RBMS1: variants seen among roughly 807,000 people sequenced by gnomAD.
RBMS1 encodes the protein RNA binding motif single stranded interacting protein 1.
In RBMS1, 17 loss-of-function variants were observed where a neutral mutation model predicts 62.3. The observed-to-expected ratio is 0.27, with a 90% CI of 0.19 to 0.41. RBMS1 has a LOEUF of 0.41. Among genes scored for constraint, RBMS1 ranks in the 10% least tolerant of loss-of-function variants. The probability of loss-of-function intolerance (pLI) is 1.00; values close to 1 mark genes in which losing one functional copy is unlikely to be tolerated. For synonymous variants in RBMS1, 172 were observed against 170.0 expected, an observed-to-expected ratio of 1.01 and a Z score of -0.09; for missense variants, 334 against 504.5, an observed-to-expected ratio of 0.66 and a Z score of 3.24.
At chr2:160,282,187 T>G (rs1688134942) in intron 9 of RBMS1, 7 of 1,289,842 alleles carry the variant, frequency 5.4e-6, no homozygotes, top group South Asian at 1.2e-5. Context: ...TATCCCCTAT[T>G]GTTAACTTCA....
At chr2:160,303,970 GTTCACACTACT>G (rs1270009699) in intron 4 of RBMS1, among the ~76,000 whole-genome samples, 1 of 152,062 alleles carries the variant, frequency 6.6e-6, no homozygotes, top group East Asian at 1.9e-4. Flanking sequence ...CTATGGCAAA[GTTCACACTACT>G]TTTGAGTCAT....
At chr2:160,380,108 A>G (rs189525249) in intron 1 of RBMS1, among the ~76,000 whole-genome samples, 1 of 152,364 alleles carries the variant, frequency 6.6e-6, no homozygotes, top group East Asian at 1.9e-4. Flanking sequence ...ACCCAAAATG[A>G]GTTTTGTAAA....
intron 9 of RBMS1, chr2:160,283,236 T>C (rs187863483): frequency 6.6e-6 from 1 of 152,344 alleles, no homozygotes; most frequent in Admixed American, 6.5e-5. Context: ...GCCCCTATTT[T>C]CAGTGACATA....
At chr2:160,447,305 A>G (rs1014385656) in intron 1 of RBMS1, among the ~76,000 whole-genome samples, 1 of 152,182 alleles carries the variant, frequency 6.6e-6, no homozygotes, top group African/African-American at 2.4e-5. Flanking sequence ...GATGTAGTAT[A>G]TGTTCCTTCT....
intron 1 of RBMS1, among the ~76,000 whole-genome samples, chr2:160,415,533 G>A (rs1249661978): frequency 4.6e-5 from 7 of 152,084 alleles, no homozygotes; most frequent in African/African-American, 7.2e-5. Flanking sequence ...TCTTTATATC[G>A]TGGGAAACAA....
intron 13 of RBMS1, among the ~76,000 whole-genome samples, chr2:160,275,040 C>T (rs1280592019): frequency 1.3e-5 from 2 of 152,090 alleles, no homozygotes; most frequent in South Asian, 2.1e-4. Context: ...CATGTTATCA[C>T]CAGGGCAATC....
Position 160,379,430 on chromosome 2 carries a change from G to A in RBMS1, c.76-12039C>T, listed in dbSNP as rs537094776. ...CTGAGACTTTCCTCTGTTTTATGGA[G>A]TCAGCCCATGCACTATTGTCTAATC... On this transcript the variant is annotated intron_variant, in intron 1 of 13. Transcript: ENST00000348849. Among the ~76,000 whole-genome samples, 21 of 152,254 alleles carry A rather than the reference G, an allele frequency of 1.4e-4. No individual in the cohort carries two copies. The South Asian group carries it at 4.4e-3, about 32-fold the overall frequency.
Position 160,329,430 on chromosome 2 carries a change from C to T in RBMS1, c.252-11203G>A, listed in dbSNP as rs368250155. The stretch of plus-strand genomic sequence containing the variant: ...TGATGGAAAAGGATACATAGCCCCC[C>T]GTATTGATTTCTTACTGGTTTGTCT... On this transcript the variant is annotated intron_variant, in intron 2 of 13. Transcript: ENST00000348849. Among the ~76,000 whole-genome samples the T allele has an allele frequency of 3.3e-5, 5 of 152,056 alleles. No individual in the cohort carries two copies. In the East Asian group the frequency reaches 5.8e-4, roughly 18 times the overall value.
At chr2:160,363,434 G>C (rs1006929151) in intron 2 of RBMS1, among the ~76,000 whole-genome samples, 1 of 152,144 alleles carries the variant, frequency 6.6e-6, no homozygotes, top group African/African-American at 2.4e-5. Context: ...GGCAAACAGC[G>C]TTTGGACCTG....
intron 1 of RBMS1, among the ~76,000 whole-genome samples, chr2:160,438,685 C>A (rs1439502446): frequency 6.6e-6 from 1 of 152,202 alleles, no homozygotes; most frequent in East Asian, 1.9e-4. Context: ...GGCAACCATC[C>A]GATTTCTCAG....
At chr2:160,390,527 T>C (rs577561424) in intron 1 of RBMS1, among the ~76,000 whole-genome samples, 7 of 152,056 alleles carry the variant, frequency 4.6e-5, no homozygotes, top group Middle Eastern at 3.4e-3. Flanking sequence ...CTTGTCACTA[T>C]GAAAAAAATT....
At chr2:160,297,057 T>C (rs1421028203) in intron 6 of RBMS1, among the ~76,000 whole-genome samples, 1 of 152,234 alleles carries the variant, frequency 6.6e-6, no homozygotes, top group East Asian at 1.9e-4. Flanking sequence ...CCCTTGGGCA[T>C]GCTTGGGCAG....
chr2:160,324,785 G>C (rs972893754), intron 2 of RBMS1, among the ~76,000 whole-genome samples: 24 of 150,884 alleles, frequency 1.6e-4, no homozygotes, highest in African/African-American at 5.6e-4. Context: ...ATGACCTCGT[G>C]AGTTAATTCA....
chr2:160,275,084 T>C (rs1687759985), intron 13 of RBMS1, among the ~76,000 whole-genome samples: 1 of 152,238 alleles, frequency 6.6e-6, no homozygotes, highest in Non-Finnish European at 1.5e-5. Flanking sequence ...ACCAGGGCAA[T>C]GCAGAAACCA....
In RBMS1 at chr2:160,303,596, ACT is replaced by A. The variant is rs1574245741; in HGVS notation, c.403-111_403-110del. The stretch of plus-strand genomic sequence containing the variant: ...TTCTTTGCTCAAGTCCTTTTAAAGT[ACT>A]CAGAACCTCAGAACACCAAAGTCAC... On this transcript the variant is annotated intron_variant, in intron 4 of 13. Coordinates refer to ENST00000348849, the MANE Select transcript of RBMS1 (RefSeq NM_016836.4). 4 of 1,245,126 alleles carry A rather than the reference ACT, an allele frequency of 3.2e-6. No homozygotes were observed. The East Asian group carries it at 9.8e-5, about 30-fold the overall frequency. 77.1% of individuals were successfully genotyped at this position (1,245,126 alleles called of 1,614,324 possible). A position where few individuals can be genotyped will look rare whatever the true frequency, so the allele number is the denominator to read the frequency against.
intron 2 of RBMS1, among the ~76,000 whole-genome samples, chr2:160,342,183 T>C (rs1245059196): frequency 1.3e-5 from 2 of 152,188 alleles, no homozygotes; most frequent in African/African-American, 4.8e-5. Flanking sequence ...ATAATCTAAA[T>C]CTATGTTCCC....
intron 1 of RBMS1, among the ~76,000 whole-genome samples, chr2:160,411,190 G>A (rs1460671385): frequency 1.3e-5 from 2 of 152,136 alleles, no homozygotes; most frequent in East Asian, 1.9e-4. Context: ...ACCTGGCTGG[G>A]ACTGAAAAAA....
intron 1 of RBMS1, among the ~76,000 whole-genome samples, chr2:160,385,128 T>C (rs1260501695): frequency 6.6e-6 from 1 of 152,196 alleles, no homozygotes; most frequent in African/African-American, 2.4e-5. Flanking sequence ...TGCAGAACCA[T>C]GTGCCAATTA....
chr2:160,448,133 A>G (rs1683742467), intron 1 of RBMS1, among the ~76,000 whole-genome samples: 1 of 152,236 alleles, frequency 6.6e-6, no homozygotes, highest in Non-Finnish European at 1.5e-5. Flanking sequence ...ATATCCTTTT[A>G]TAATATTGTC....
Sources: gnomAD v4.1 joint callset for allele counts (sites outside exome capture counted in the v4.1 genomes callset) on GRCh38, gnomAD v4.1.1 for gene constraint, MANE v1.5 for transcripts, NCBI Gene and HGNC (gene_info 2026-07-23, HGNC 2026-07-21) for gene names.